Variants in ASXL3 observed in about 807,000 individuals in gnomAD.
The protein encoded by ASXL3 is ASXL transcriptional regulator 3, also known as putative Polycomb group protein ASXL3.
A neutral mutation model predicts 170.6 loss-of-function variants in ASXL3; 34 were observed. The observed-to-expected ratio is 0.20, with a 90% CI of 0.15 to 0.27. The LOEUF (loss-of-function observed/expected upper bound fraction) is 0.27, where lower values mean the gene tolerates loss of function less well. Ranked by LOEUF, ASXL3 falls within the 10% of genes least tolerant of loss-of-function variation. ASXL3 has a pLI of 1.00. For missense variants in ASXL3, 2,592 were observed against 2,695.3 expected, an observed-to-expected ratio of 0.96 and a Z score of 0.85; for synonymous variants, 1,002 against 989.1, an observed-to-expected ratio of 1.01 and a Z score of -0.24.
chr18:33,642,648 A>G (rs2065862720), intron 2 of ASXL3, among the ~76,000 whole-genome samples: 1 of 151,972 alleles, frequency 6.6e-6, no homozygotes, highest in Non-Finnish European at 1.5e-5. Flanking sequence ...ATTTTTCCGT[A>G]GTAAATCTTG....
At chr18:33,595,756 G>T (rs2065120421) in intron 1 of ASXL3, among the ~76,000 whole-genome samples, 1 of 152,116 alleles carries the variant, frequency 6.6e-6, no homozygotes, top group African/African-American at 2.4e-5. Context: ...TAATCAAGAT[G>T]TGTTTTCTTG....
rs1169010972 is a variant in ASXL3 at position 33,746,970 on chromosome 18, G to A, written c.*375G>A. On this transcript the variant is annotated 3_prime_UTR_variant, in exon 12 of 12. Coordinates refer to ENST00000269197, the MANE Select transcript of ASXL3 (RefSeq NM_030632.3). ...TGTGTAAGGAGAATGAGAGGAATGA[G>A]TTAAAGTGGTTATGCATTTTTCTAT... The A allele has an allele frequency of 1.8e-5, 3 of 170,414 alleles. No individual in the cohort carries two copies. The highest frequency in any genetic ancestry group is 3.7e-5 in the Non-Finnish European group (3 of 80,680). The allele number at this position is 170,414 out of a possible 1,614,324, so 10.6% of individuals were successfully genotyped here. A position where few individuals can be genotyped will look rare whatever the true frequency, so the allele number is the denominator to read the frequency against.
chr18:33,644,931 C>A lies in ASXL3; in HGVS notation c.175C>A (p.His59Asn). Residue 59 changes from histidine to asparagine, a missense_variant, in exon 3 of 12, where the codon CAC becomes AAC. This residue lies in a region of ASXL3 where 251 missense variants were observed against 281.9 expected (regional missense o/e 0.89). Transcript: ENST00000269197. ...SPLACLNAML[H>N]TNTRIGDGTF... ...ATTAGCCTGTCTGAATGCAATGCTT[C>A]ACACTAACACTCGAATAGGGGATGG... 6.3e-7 allele frequency: 1 copy of A among 1,583,252 alleles called. No homozygotes were observed. The highest frequency in any genetic ancestry group is 8.6e-7 in the Non-Finnish European group (1 of 1,163,014).
At chr18:33,623,634 C>A (rs372288625) in intron 2 of ASXL3, among the ~76,000 whole-genome samples, 2 of 152,098 alleles carry the variant, frequency 1.3e-5, no homozygotes, top group South Asian at 4.1e-4. Flanking sequence ...AGAATGAAAT[C>A]CAATTTGCAT....
intron 2 of ASXL3, among the ~76,000 whole-genome samples, chr18:33,639,848 A>G (rs911403915): frequency 6.6e-6 from 1 of 152,160 alleles, no homozygotes; most frequent in African/African-American, 2.4e-5. Context: ...TGAGGTCTGG[A>G]GTTCGAAGTT....
intron 4 of ASXL3, among the ~76,000 whole-genome samples, chr18:33,652,438 A>G (rs531351130): frequency 2.6e-5 from 4 of 152,108 alleles, no homozygotes; most frequent in African/African-American, 7.2e-5. Context: ...CTTAAAATCA[A>G]CAGCAACCAT....
chr18:33,673,725 G>A (rs917715679), intron 7 of ASXL3, among the ~76,000 whole-genome samples: 4 of 152,104 alleles, frequency 2.6e-5, no homozygotes, highest in Non-Finnish European at 4.4e-5. Context: ...TAGAGAATCA[G>A]AATTTGTTTT....
chr18:33,641,471 A>G (rs1298672503), intron 2 of ASXL3, among the ~76,000 whole-genome samples: 1 of 152,054 alleles, frequency 6.6e-6, no homozygotes, highest in Non-Finnish European at 1.5e-5. Context: ...ATTGTAGGGG[A>G]TGGGAGAAAG....
intron 4 of ASXL3, among the ~76,000 whole-genome samples, chr18:33,652,603 C>CAA (rs554834298): frequency 2.7e-5 from 3 of 112,326 alleles, no homozygotes; most frequent in Non-Finnish European, 3.5e-5. Context: ...TCTGTTGGGG[C>CAA]AAAAAAAAAA....
Position 33,749,035 on chromosome 18 carries a change from A to T in ASXL3, c.*2440A>T, listed in dbSNP as rs967337371. The T allele has an allele frequency of 1.8e-4, 26 of 147,672 alleles. No homozygotes were observed. Among genetic ancestry groups the T allele is most frequent in the African/African-American group, 6.2e-4 (25 of 40,236 alleles). The allele number at this position is 147,672 out of a possible 1,614,324, so 9.1% of individuals were successfully genotyped here. A position where few individuals can be genotyped will look rare whatever the true frequency, so the allele number is the denominator to read the frequency against. On this transcript the variant is annotated 3_prime_UTR_variant, in exon 12 of 12. Transcript: ENST00000269197. ...AGAATCAGTTGTTGATAGTGCATGGATTCTATCATCCAGGTCCGATTAGCA... is the reference window on the plus strand; with the variant it reads ...AGAATCAGTTGTTGATAGTGCATGGTTTCTATCATCCAGGTCCGATTAGCA...
intron 1 of ASXL3, among the ~76,000 whole-genome samples, chr18:33,588,737 A>G (rs1233937564): frequency 1.3e-5 from 2 of 152,100 alleles, no homozygotes. Flanking sequence ...TGGCCCCTTC[A>G]ACTCCTGTAG....
intron 8 of ASXL3, 35 bp downstream of exon 8, chr18:33,683,603 C>G: frequency 1.3e-6 from 2 of 1,570,648 alleles, no homozygotes; most frequent in Non-Finnish European, 1.7e-6. Context: ...ATACCAGCCA[C>G]TAGTTATATT....
chr18:33,730,291 C>A (rs926448393), intron 8 of ASXL3, among the ~76,000 whole-genome samples: 1 of 152,112 alleles, frequency 6.6e-6, no homozygotes, highest in African/African-American at 2.4e-5. Flanking sequence ...TCTTGAGAAA[C>A]CCTGCTCTAA....
chr18:33,580,039 A>G (rs2064979258), intron 1 of ASXL3, among the ~76,000 whole-genome samples: 1 of 152,240 alleles, frequency 6.6e-6, no homozygotes, highest in South Asian at 2.1e-4. Context: ...CCAGCGAAGA[A>G]GTGACAAAGT....
At chr18:33,633,879 T>C (rs1309336753) in intron 2 of ASXL3, among the ~76,000 whole-genome samples, 2 of 146,794 alleles carry the variant, frequency 1.4e-5, no homozygotes, top group East Asian at 4.3e-4. Flanking sequence ...AAGTAACAAT[T>C]AATAAAGTAA....
intron 2 of ASXL3, among the ~76,000 whole-genome samples, chr18:33,621,289 G>C (rs981874280): frequency 6.6e-6 from 1 of 152,126 alleles, no homozygotes; most frequent in African/African-American, 2.4e-5. Context: ...TAAGAAGAAT[G>C]TACAAAAGTA....
chr18:33,686,520 T>G (rs2066600276), intron 8 of ASXL3, among the ~76,000 whole-genome samples: 1 of 152,196 alleles, frequency 6.6e-6, no homozygotes, highest in South Asian at 2.1e-4. Flanking sequence ...AAGTTGAACC[T>G]TAAAGGACTG....
At chr18:33,738,452 G>A in intron 10 of ASXL3, 35 bp from the exon 11 acceptor site, 2 of 1,546,598 alleles carry the variant, frequency 1.3e-6, no homozygotes, top group Non-Finnish European at 1.7e-6. Context: ...TATGTTTTGT[G>A]GTTGAGCAAT....
chr18:33,694,151 A>G (rs923725628), intron 8 of ASXL3, among the ~76,000 whole-genome samples: 2 of 152,140 alleles, frequency 1.3e-5, no homozygotes, highest in African/African-American at 4.8e-5. Flanking sequence ...TAGAATTATA[A>G]CTAGTTCTTC....
Sources: allele counts gnomAD v4.1 joint callset (sites outside exome capture counted in the v4.1 genomes callset), GRCh38; gene constraint gnomAD v4.1.1; regional missense constraint gnomAD v4.1.1; transcripts MANE v1.5; gene names NCBI Gene and HGNC (gene_info 2026-07-23, HGNC 2026-07-21).